The following LOXL2 variants were observed in gnomAD, a reference collection of about 807,000 sequenced individuals.
LOXL2 encodes lysyl oxidase like 2, also known as lysyl oxidase homolog 2.
LOXL2 carries 70 observed loss-of-function variants against 93.0 expected under a neutral mutation model. The observed-to-expected ratio is 0.75, with a 90% CI of 0.62 to 0.92. LOXL2 has a LOEUF of 0.92. Among genes scored for constraint, LOXL2 ranks in the 40% least tolerant of loss-of-function variants. The pLI is 0.00. For missense variants in LOXL2, 973 were observed against 1,054.9 expected, an observed-to-expected ratio of 0.92 and a Z score of 1.08; for synonymous variants, 438 against 413.2, an observed-to-expected ratio of 1.06 and a Z score of -0.73.
intron 1 of LOXL2, among the ~76,000 whole-genome samples, chr8:23,375,671 A>C (rs1338620657): frequency 5.3e-5 from 8 of 152,124 alleles, no homozygotes; most frequent in African/African-American, 1.9e-4. Flanking sequence ...CATCCCTTGC[A>C]AGATGGATTA....
chr8:23,358,573 G>A (rs569941742), intron 3 of LOXL2, among the ~76,000 whole-genome samples: 196 of 152,318 alleles, frequency 1.3e-3, no homozygotes, highest in African/African-American at 4.4e-3. Context: ...CATGTTCCTT[G>A]AGGACAGGAG....
chr8:23,356,651 G>C (rs1185679729), intron 3 of LOXL2, among the ~76,000 whole-genome samples: 1 of 152,170 alleles, frequency 6.6e-6, no homozygotes, highest in Admixed American at 6.5e-5. Context: ...ATCAATGAAA[G>C]TTCCCTAAGT....
intron 3 of LOXL2, among the ~76,000 whole-genome samples, chr8:23,342,521 T>A (rs1222333583): frequency 6.7e-6 from 1 of 149,602 alleles, no homozygotes; most frequent in Non-Finnish European, 1.5e-5. Flanking sequence ...AAGCTCCGCC[T>A]CCCGGGTTCA....
chr8:23,357,943 T>C (rs1416282566), intron 3 of LOXL2, among the ~76,000 whole-genome samples: 1 of 152,244 alleles, frequency 6.6e-6, no homozygotes, highest in African/African-American at 2.4e-5. Context: ...GAGTTGGAGA[T>C]GTTGTTCCCA....
chr8:23,300,926 ACT>A (rs1210795533), intron 12 of LOXL2, among the ~76,000 whole-genome samples: 1 of 152,096 alleles, frequency 6.6e-6, no homozygotes, highest in Non-Finnish European at 1.5e-5. Context: ...AAAATAAATA[ACT>A]CTCTGGTTAG....
chr8:23,353,329 C>T (rs973046827), intron 3 of LOXL2, among the ~76,000 whole-genome samples: 2 of 152,176 alleles, frequency 1.3e-5, no homozygotes, highest in Non-Finnish European at 2.9e-5. Context: ...GAGATCTGTT[C>T]GTTTGGAGCC....
chr8:23,310,867 G>C (rs1281099595), intron 9 of LOXL2, among the ~76,000 whole-genome samples: 1 of 152,132 alleles, frequency 6.6e-6, no homozygotes, highest in Admixed American at 6.5e-5. Flanking sequence ...TACAATCTAC[G>C]TTTACTAAAC....
At chr8:23,334,904 CCTCCCAGGTTCAAGGAATT>C (rs1409739795) in intron 4 of LOXL2, among the ~76,000 whole-genome samples, 1 of 151,708 alleles carries the variant, frequency 6.6e-6, no homozygotes, top group East Asian at 1.9e-4. Flanking sequence ...GCAACCTCCA[CCTCCCAGGTTCAAGGAATT>C]CTCCTGCTTC....
At chr8:23,347,358 AAAAT>A (rs986653423) in intron 3 of LOXL2, among the ~76,000 whole-genome samples, 21 of 151,470 alleles carry the variant, frequency 1.4e-4, no homozygotes, top group Admixed American at 5.9e-4. Flanking sequence ...CTCTATCTCA[AAAAT>A]AAATAAATAA....
intron 1 of LOXL2, among the ~76,000 whole-genome samples, chr8:23,379,384 G>T (rs1191464458): frequency 6.6e-6 from 1 of 152,220 alleles, no homozygotes. Flanking sequence ...TCGGGGGTCA[G>T]GGACCCACTT....
chr8:23,367,059 G>GT (rs972006509), intron 2 of LOXL2, among the ~76,000 whole-genome samples: 21 of 151,994 alleles, frequency 1.4e-4, no homozygotes, highest in African/African-American at 3.9e-4. Context: ...TTTGTTTTTT[G>GT]TTTTTTTGAG....
At chr8:23,311,883 T>C (rs1170202383) in intron 9 of LOXL2, among the ~76,000 whole-genome samples, 1 of 152,236 alleles carries the variant, frequency 6.6e-6, no homozygotes, top group Non-Finnish European at 1.5e-5. Context: ...GTCAGGAGGC[T>C]GCTTTGGGAG....
intron 3 of LOXL2, among the ~76,000 whole-genome samples, chr8:23,353,269 C>T (rs1431145484): frequency 6.6e-6 from 1 of 152,144 alleles, no homozygotes; most frequent in Non-Finnish European, 1.5e-5. Flanking sequence ...ATTTAAGAGG[C>T]TCTGAAATCC....
intron 2 of LOXL2, chr8:23,366,112 T>C (rs1804396325): frequency 6.6e-6 from 1 of 152,192 alleles, no homozygotes; most frequent in Non-Finnish European, 1.5e-5. Context: ...AATTAAGTTG[T>C]CACTGGAAAA....
intron 13 of LOXL2, 82 bp from the exon 14 acceptor site, chr8:23,298,204 T>C: frequency 2.9e-6 from 3 of 1,048,510 alleles, no homozygotes; most frequent in Non-Finnish European, 4.4e-6. Context: ...GGAGTGGGCC[T>C]CAGGGGCTGC....
chr8:23,331,262 C>T (rs1476974343), intron 5 of LOXL2, among the ~76,000 whole-genome samples: 3 of 152,094 alleles, frequency 2.0e-5, no homozygotes, highest in African/African-American at 4.8e-5. Flanking sequence ...CTGGTTGGCT[C>T]AGCCTCTGCT....
At chr8:23,316,726 T>TGCA (rs1803407262) in intron 9 of LOXL2, 1 of 535,234 alleles carries the variant, frequency 1.9e-6, no homozygotes, top group African/African-American at 1.9e-5. Flanking sequence ...GGCTACAGAC[T>TGCA]GCAGCCCCTC....
At chr8:23,341,270 C>A (rs909050271) in intron 3 of LOXL2, 67 bp from the exon 4 acceptor site, 2 of 1,299,086 alleles carry the variant, frequency 1.5e-6, no homozygotes, top group Non-Finnish European at 2.2e-6. Context: ...CACCAGGCAA[C>A]CAGTACTTCT....
chr8:23,362,154 TAGTC>T (rs1458200266), intron 2 of LOXL2, among the ~76,000 whole-genome samples: 8 of 152,216 alleles, frequency 5.3e-5, no homozygotes, highest in African/African-American at 1.4e-4. Context: ...GATGGAATAT[TAGTC>T]AGCCTTCAGA....
Sources: gnomAD v4.1 joint callset for allele counts (sites outside exome capture counted in the v4.1 genomes callset) on GRCh38, gnomAD v4.1.1 for gene constraint, MANE v1.5 for transcripts, NCBI Gene and HGNC (gene_info 2026-07-23, HGNC 2026-07-21) for gene names.